Variants in EPS8 observed in about 807,000 individuals in gnomAD.
EPS8 encodes EGFR pathway substrate 8, signaling adaptor.
EPS8 carries 42 observed loss-of-function variants against 103.8 expected under a neutral mutation model. That is an observed-to-expected ratio of 0.40 (90% confidence interval 0.32 to 0.52). The LOEUF (loss-of-function observed/expected upper bound fraction) is 0.52. Among genes scored for constraint, EPS8 ranks in the 20% least tolerant of loss-of-function variants. The pLI, the probability that EPS8 is intolerant of heterozygous loss-of-function variation, is 0.40. For missense variants in EPS8, 969 were observed against 1,005.1 expected, an observed-to-expected ratio of 0.96 and a Z score of 0.49; for synonymous variants, 344 against 344.6, an observed-to-expected ratio of 1.00 and a Z score of 0.02.
chr12:15,637,617 T>C lies in EPS8; in HGVS notation c.1821+3086A>G, dbSNP rs148251245. Among the ~76,000 whole-genome samples the C allele has an allele frequency of 9.8e-5, 15 of 152,310 alleles. No individual in the cohort carries two copies. In the East Asian group the frequency reaches 2.7e-3, roughly 27 times the overall value. On this transcript the variant is annotated intron_variant, in intron 17 of 20. Transcript: ENST00000281172. The stretch of plus-strand genomic sequence containing the variant: ...GAGTATCTGTGAATGTTGTTTTCTG[T>C]GAATGTGAAGCAAATTTAAGTAATG...
chr12:15,634,306 AGTTCT>A (rs1003964373), intron 17 of EPS8, among the ~76,000 whole-genome samples: 8 of 152,318 alleles, frequency 5.3e-5, no homozygotes, highest in Admixed American at 2.6e-4. Context: ...ACAAACACAA[AGTTCT>A]GTTAAAAGCA....
At chr12:15,673,823 C>T (rs1362096777) in intron 3 of EPS8, among the ~76,000 whole-genome samples, 2 of 152,136 alleles carry the variant, frequency 1.3e-5, no homozygotes, top group Non-Finnish European at 2.9e-5. Context: ...AAGTCTATTT[C>T]CCCTCCTATT....
rs755221437 is a variant in EPS8, at chr12:15,714,216, G to T, written c.-21-31244C>A. On this transcript the variant is annotated intron_variant, in intron 1 of 20. Transcript: ENST00000281172. This position sits in a 1 kb window ranked among gnomAD's most constrained non-coding sequence, Gnocchi z 4.1. ...CAAACAGAAAATTGAGTGCTCAACTGATTTTTAATATGAAGACACCAAAAA... is the reference window on the plus strand; with the variant it reads ...CAAACAGAAAATTGAGTGCTCAACTTATTTTTAATATGAAGACACCAAAAA... Among the ~76,000 whole-genome samples the T allele has an allele frequency of 4.6e-5, 7 of 151,920 alleles. No individual in the cohort carries two copies. The highest frequency in any genetic ancestry group is 7.4e-5 in the Non-Finnish European group (5 of 67,988).
At chr12:15,624,145 T>C in intron 19 of EPS8, 82 bp downstream of exon 19, 1 of 1,102,288 alleles carries the variant, frequency 9.1e-7, no homozygotes, top group Non-Finnish European at 1.4e-6. Flanking sequence ...TTATAACAGT[T>C]ATCTGTGACA....
At chr12:15,662,517 C>T (rs1021355461) in intron 8 of EPS8, 1 of 988,016 alleles carries the variant, frequency 1.0e-6, no homozygotes, top group African/African-American at 1.7e-5. Context: ...TACATTCCAA[C>T]ACTGTGACTA....
chr12:15,749,282 C>T lies in EPS8; in HGVS notation c.-22+39879G>A, dbSNP rs1179207297. ...TAATATAATATCCTTTTATAGCACTCGCTGTCTGTGGCATTTCATTGACAA... is the reference window on the plus strand; with the variant it reads ...TAATATAATATCCTTTTATAGCACTTGCTGTCTGTGGCATTTCATTGACAA... On this transcript the variant is annotated intron_variant, in intron 1 of 20. Transcript: ENST00000281172. This position sits in a 1 kb window ranked among gnomAD's most constrained non-coding sequence, Gnocchi z 4.0. Among the ~76,000 whole-genome samples, 3 of 152,156 alleles carry T rather than the reference C, an allele frequency of 2.0e-5. No individual in the cohort carries two copies. The highest frequency in any genetic ancestry group is 2.1e-4 in the South Asian group (1 of 4,814).
rs887827176 is a variant in EPS8 at position 15,734,902 on chromosome 12, C to T, written c.-21-51930G>A. On this transcript the variant is annotated intron_variant, in intron 1 of 20. Coordinates refer to ENST00000281172, the MANE Select transcript of EPS8 (RefSeq NM_004447.6). This position sits in a 1 kb window ranked among gnomAD's most constrained non-coding sequence, Gnocchi z 4.1. ...ATGTAAGCTGGAAGGTAAGCAGGGC[C>T]AACTGCCATATCATTTCCATTTTAA... is the stretch of plus-strand genomic sequence containing the variant. Among the ~76,000 whole-genome samples the T allele has an allele frequency of 6.6e-6, 1 of 152,122 alleles. No homozygotes were observed. The highest frequency in any genetic ancestry group is 2.4e-5 in the African/African-American group (1 of 41,406).
rs1218484651 is a variant in EPS8 at position 15,700,590 on chromosome 12, T to A, written c.-21-17618A>T. On this transcript the variant is annotated intron_variant, in intron 1 of 20. Coordinates refer to ENST00000281172, the MANE Select transcript of EPS8 (RefSeq NM_004447.6). This position sits in a 1 kb window ranked among gnomAD's most constrained non-coding sequence, Gnocchi z 5.1. ...TTCCACAGAATTTCTACAGTCACAA[T>A]TAGATAAAAGAGCCTCAATGCCAAC... Among the ~76,000 whole-genome samples, 1 of 149,294 alleles carries A rather than the reference T, an allele frequency of 6.7e-6. No homozygotes were observed. The highest frequency in any genetic ancestry group is 1.9e-4 in the East Asian group (1 of 5,200).
intron 17 of EPS8, chr12:15,634,840 AT>A (rs1945108667): frequency 2.5e-6 from 1 of 397,910 alleles, no homozygotes; most frequent in African/African-American, 2.1e-5. Context: ...ATCAATTATA[AT>A]TCACATCAAA....
chr12:15,749,615 A>C lies in EPS8; in HGVS notation c.-22+39546T>G, dbSNP rs1220159099. ...AGAGAAGGGACTCAATAAATACTTG[A>C]TGATGACAATAACCATTATGATAGT... On this transcript the variant is annotated intron_variant, in intron 1 of 20. Coordinates refer to ENST00000281172, the MANE Select transcript of EPS8 (RefSeq NM_004447.6). The surrounding 1 kb of genome is among the most constrained non-coding windows in gnomAD (Gnocchi z 4.0). 6.6e-6 allele frequency among the ~76,000 whole-genome samples: 1 copy of C among 152,214 alleles called. No homozygotes were observed. The highest frequency in any genetic ancestry group is 6.5e-5 in the Admixed American group (1 of 15,280).
chr12:15,655,881 T>C (rs73311047), intron 12 of EPS8, among the ~76,000 whole-genome samples: 5,271 of 152,270 alleles, frequency 0.035, 298 homozygotes, highest in African/African-American at 0.12. Flanking sequence ...CCTGAATAGA[T>C]GTTCCTCCCC....
intron 1 of EPS8, among the ~76,000 whole-genome samples, chr12:15,723,997 C>G (rs1267827657): frequency 5.9e-5 from 9 of 152,102 alleles, no homozygotes; most frequent in Non-Finnish European, 1.3e-4. Flanking sequence ...TATTCTTTAT[C>G]TTTTATTGAC....
intron 1 of EPS8, among the ~76,000 whole-genome samples, chr12:15,692,331 T>TG (rs1470971461): frequency 6.7e-6 from 1 of 150,308 alleles, no homozygotes; most frequent in Non-Finnish European, 1.5e-5. Context: ...TTTTTTTTTT[T>TG]TTTTTTTTTT....
chr12:15,693,158 T>G lies in EPS8; in HGVS notation c.-21-10186A>C, dbSNP rs1013929052. On this transcript the variant is annotated intron_variant, in intron 1 of 20. Transcript: ENST00000281172. This position sits in a 1 kb window ranked among gnomAD's most constrained non-coding sequence, Gnocchi z 5.6. ...AAGTCCTGCTGGCAGACCCCAGCCA[T>G]CAGTGTCTATCGGTCTTTTGCATAG... Among the ~76,000 whole-genome samples the G allele has an allele frequency of 5.3e-5, 8 of 152,262 alleles. No homozygotes were observed. Among genetic ancestry groups the G allele is most frequent in the Admixed American group, 5.2e-4 (8 of 15,298 alleles).
chr12:15,699,165 T>C (rs1391964647), intron 1 of EPS8, among the ~76,000 whole-genome samples: 2 of 152,148 alleles, frequency 1.3e-5, no homozygotes, highest in African/African-American at 4.8e-5. Context: ...TAAAAGAAAA[T>C]AATACTTCTG....
Position 15,784,761 on chromosome 12 carries a change from A to G in EPS8, c.-22+4400T>C, listed in dbSNP as rs2136059380. Among the ~76,000 whole-genome samples the G allele has an allele frequency of 6.6e-6, 1 of 152,300 alleles. No individual in the cohort carries two copies. Among genetic ancestry groups the G allele is most frequent in the East Asian group, 1.9e-4 (1 of 5,188 alleles). On this transcript the variant is annotated intron_variant, in intron 1 of 20. Transcript: ENST00000281172. This position sits in a 1 kb window ranked among gnomAD's most constrained non-coding sequence, Gnocchi z 4.0. Reference sequence around the variant, plus strand: ...AAAATATCCTTCAATAGGTGAATAAACAAACCATGATATATCTGATAATGA... The same window carrying G: ...AAAATATCCTTCAATAGGTGAATAAGCAAACCATGATATATCTGATAATGA...
Position 15,631,617 on chromosome 12 carries a change from A to C in EPS8, c.1869T>G (p.Ala623=), listed in dbSNP as rs765277666. The change falls in exon 18 of 21, where the codon GCT becomes GCG. Residue 623 remains alanine (A), a synonymous_variant. Transcript: ENST00000281172. ...GAGCTGGTGTTGGAGGAGGTGATGG[A>C]GCAGGGGGAGTATCAGCTGGTCTTG... ...YGPRPADTPP[A]PSPPPTPAPV... The C allele has an allele frequency of 1.2e-5, 20 of 1,614,008 alleles. No individual in the cohort carries two copies. The East Asian group carries it at 4.5e-4, about 36-fold the overall frequency.
chr12:15,669,266 C>G, intron 6 of EPS8, 121 bp downstream of exon 6: 1 of 801,566 alleles, frequency 1.2e-6, no homozygotes, highest in Non-Finnish European at 1.9e-6. Flanking sequence ...GTTTTCCTTA[C>G]GAGATGCTCA....
chr12:15,638,851 C>G, intron 17 of EPS8, among the ~76,000 whole-genome samples: 1 of 152,108 alleles, frequency 6.6e-6, no homozygotes, highest in African/African-American at 2.4e-5. Context: ...ACAGAAGCAA[C>G]CTTTTAAACA....
Sources: gnomAD v4.1 joint callset for allele counts (sites outside exome capture counted in the v4.1 genomes callset) on GRCh38, gnomAD v4.1.1 for gene constraint, Gnocchi (gnomAD v3.1) non-coding constraint, MANE v1.5 for transcripts, NCBI Gene and HGNC (gene_info 2026-07-23, HGNC 2026-07-21) for gene names.